Variants in GSG1L observed in about 807,000 individuals in gnomAD.
GSG1L encodes the protein germ cell-specific gene 1-like protein.
In GSG1L, 24 loss-of-function variants were observed where a neutral mutation model predicts 42.1. That is an observed-to-expected ratio of 0.57 (90% CI 0.41 to 0.80). GSG1L has a LOEUF of 0.80. Among genes scored for constraint, GSG1L ranks in the 30% least tolerant of loss-of-function variants. The pLI, the probability that GSG1L is intolerant of heterozygous loss-of-function variation, is 0.00. For missense variants in GSG1L, 445 were observed against 472.2 expected, an observed-to-expected ratio of 0.94 and a Z score of 0.53; for synonymous variants, 215 against 203.5, an observed-to-expected ratio of 1.06 and a Z score of -0.48.
chr16:27,998,140 A>T (rs1289817310), intron 1 of GSG1L, among the ~76,000 whole-genome samples: 1 of 152,062 alleles, frequency 6.6e-6, no homozygotes, highest in Non-Finnish European at 1.5e-5. Context: ...TACAGGTGTG[A>T]GCCACCACGC....
intron 2 of GSG1L, among the ~76,000 whole-genome samples, chr16:27,924,105 T>C (rs1281497497): frequency 1.3e-5 from 2 of 151,956 alleles, no homozygotes; most frequent in Non-Finnish European, 2.9e-5. Flanking sequence ...ATAAAGCATT[T>C]ACATCAGTAA....
chr16:27,894,521 G>T (rs1392381324), intron 2 of GSG1L, among the ~76,000 whole-genome samples: 1 of 152,194 alleles, frequency 6.6e-6, no homozygotes, highest in Non-Finnish European at 1.5e-5. Context: ...AAGGCACGGC[G>T]CAGTGGCCGC....
chr16:27,933,890 C>T (rs1430946081), intron 2 of GSG1L, among the ~76,000 whole-genome samples: 1 of 152,192 alleles, frequency 6.6e-6, no homozygotes, highest in East Asian at 1.9e-4. Context: ...CTGCATTCAA[C>T]CCTCGATCTG....
chr16:27,791,425 G>A lies in GSG1L; in HGVS notation c.941C>T (p.Ala314Val). Residue 314 changes from alanine (A) to valine (V), a missense_variant, in exon 7 of 7, where the codon GCA becomes GTA. Transcript: ENST00000447459. ...HMADSWPRSS[A>V]QEAPELNRQC... ...TCGGTTCAGCTCTGGTGCTTCCTGT[G>A]CGGAGCTCCGGGGCCAGGAATCCGC... 1 of 1,524,588 alleles carries A rather than the reference G, an allele frequency of 6.6e-7. No individual in the cohort carries two copies. The highest frequency in any genetic ancestry group is 8.8e-7 in the Non-Finnish European group (1 of 1,130,696). The allele number at this position is 1,524,588 out of a possible 1,614,324, so 94.4% of individuals were successfully genotyped here.
intron 3 of GSG1L, among the ~76,000 whole-genome samples, chr16:27,848,903 G>C (rs1330211986): frequency 6.6e-6 from 1 of 151,796 alleles, no homozygotes; most frequent in African/African-American, 2.4e-5. Flanking sequence ...GAGTGAGCAA[G>C]GGGTAGGATG....
chr16:27,951,693 G>A (rs1038598645), intron 2 of GSG1L, among the ~76,000 whole-genome samples: 2 of 152,228 alleles, frequency 1.3e-5, no homozygotes, highest in Non-Finnish European at 2.9e-5. Context: ...TTGGGCAGCT[G>A]TGGAAGCAGC....
intron 1 of GSG1L, among the ~76,000 whole-genome samples, chr16:28,022,935 G>T (rs1001091544): frequency 6.6e-6 from 1 of 152,128 alleles, no homozygotes; most frequent in Non-Finnish European, 1.5e-5. Flanking sequence ...CTCCCAAAGT[G>T]CTGGGATTAC....
At chr16:27,924,384 A>AC (rs34996641) in intron 2 of GSG1L, among the ~76,000 whole-genome samples, 2,499 of 152,238 alleles carry the variant, frequency 0.016, 60 homozygotes, top group Admixed American at 0.054. Context: ...CAAATGTACT[A>AC]CCCTAACACA....
At chr16:27,845,272 G>A (rs2083430313) in intron 3 of GSG1L, among the ~76,000 whole-genome samples, 1 of 152,142 alleles carries the variant, frequency 6.6e-6, no homozygotes, top group South Asian at 2.1e-4. Context: ...TTTAAGACAG[G>A]GTCTTGCTCT....
At chr16:27,972,897 T>C (rs1177129712) in intron 1 of GSG1L, among the ~76,000 whole-genome samples, 1 of 152,222 alleles carries the variant, frequency 6.6e-6, no homozygotes, top group Non-Finnish European at 1.5e-5. Flanking sequence ...AGAGTCATTT[T>C]AGTGATGGCT....
chr16:27,825,727 G>T (rs1434991475), intron 5 of GSG1L, among the ~76,000 whole-genome samples: 1 of 148,712 alleles, frequency 6.7e-6, no homozygotes, highest in Non-Finnish European at 1.5e-5. Context: ...GATCCAGTGG[G>T]AGGTAATTGA....
intron 3 of GSG1L, among the ~76,000 whole-genome samples, chr16:27,864,387 C>CT (rs2083691318): frequency 6.6e-6 from 1 of 152,144 alleles, no homozygotes. Context: ...GCACAGAAAT[C>CT]CACTATGAAC....
intron 1 of GSG1L, among the ~76,000 whole-genome samples, chr16:28,054,561 G>A (rs958833972): frequency 2.0e-5 from 3 of 151,968 alleles, no homozygotes; most frequent in South Asian, 2.1e-4. Context: ...CCCAGGAGAC[G>A]GAGGTTACAG....
Position 28,063,249 on chromosome 16 carries a change from G to T in GSG1L, c.176C>A (p.Ala59Asp), listed in dbSNP as rs1200018902. The change falls in exon 1 of 7, where the codon GCC becomes GAC. Residue 59 changes from alanine (A) to aspartate (D), a missense_variant. Around this residue, in one of 3 missense-constraint regions of GSG1L, gnomAD observed 156 missense variants for 128.3 expected, o/e 1.22. Coordinates refer to ENST00000447459, the MANE Select transcript of GSG1L (RefSeq NM_001109763.2). The surrounding 1 kb of genome is among the most constrained non-coding windows in gnomAD (Gnocchi z 5.8). ...RANCPNSGAN[A>D]TANGTAAPAA... is the part of the protein sequence containing the mutation. ...GGGGGCGGCGGTGCCGTTGGCCGTG[G>T]CGTTGGCGCCCGAGTTGGGGCAGTT... 1.5e-6 allele frequency: 2 copies of T among 1,301,156 alleles called. No individual in the cohort carries two copies. Among genetic ancestry groups the T allele is most frequent in the Non-Finnish European group, 2.0e-6 (2 of 1,023,218 alleles). 80.6% of individuals were successfully genotyped at this position (1,301,156 alleles called of 1,614,324 possible).
chr16:27,890,729 C>T (rs1377571608), intron 2 of GSG1L, among the ~76,000 whole-genome samples: 1 of 152,214 alleles, frequency 6.6e-6, no homozygotes, highest in African/African-American at 2.4e-5. Context: ...AGCCGTGGAA[C>T]ATCCAGAAGG....
At chr16:27,921,170 C>T (rs892144302) in intron 2 of GSG1L, among the ~76,000 whole-genome samples, 1 of 152,212 alleles carries the variant, frequency 6.6e-6, no homozygotes, top group Admixed American at 6.5e-5. Context: ...CACAGCCATT[C>T]TGACGGTTCA....
chr16:28,052,475 C>T (rs1174165828), intron 1 of GSG1L, among the ~76,000 whole-genome samples: 3 of 152,016 alleles, frequency 2.0e-5, no homozygotes, highest in African/African-American at 7.2e-5. Flanking sequence ...ATTCTCCAGT[C>T]CTTGAAAAGG....
At chr16:27,858,295 A>G (rs2083604702) in intron 3 of GSG1L, among the ~76,000 whole-genome samples, 1 of 152,214 alleles carries the variant, frequency 6.6e-6, no homozygotes. Context: ...TTTGTAAAGC[A>G]CTTGACCATC....
At chr16:27,894,558 CT>C (rs2084168097) in intron 2 of GSG1L, among the ~76,000 whole-genome samples, 1 of 152,332 alleles carries the variant, frequency 6.6e-6, no homozygotes, top group Admixed American at 6.5e-5. Flanking sequence ...GACAGGCCCC[CT>C]GATACCGAGC....
Sources: gnomAD v4.1 joint callset for allele counts (sites outside exome capture counted in the v4.1 genomes callset) on GRCh38, gnomAD v4.1.1 for gene constraint, gnomAD v4.1.1 regional missense constraint, Gnocchi (gnomAD v3.1) non-coding constraint, MANE v1.5 for transcripts, NCBI Gene and HGNC (gene_info 2026-07-23, HGNC 2026-07-21) for gene names.